Variants in RAB11FIP4 observed in about 807,000 individuals in gnomAD.
RAB11FIP4 encodes the protein RAB11 family interacting protein 4.
A neutral mutation model predicts 74.3 loss-of-function variants in RAB11FIP4; 23 were observed. The ratio of observed to expected loss-of-function variants is 0.31; its 90% CI spans 0.22 to 0.44. RAB11FIP4 has a LOEUF of 0.44. Among genes scored for constraint, RAB11FIP4 ranks in the 20% least tolerant of loss-of-function variants. The probability of loss-of-function intolerance (pLI) is 1.00; values close to 1 mark genes in which losing one functional copy is unlikely to be tolerated. For missense variants in RAB11FIP4, 630 were observed against 863.9 expected (o/e 0.73, Z 3.39); for synonymous variants, 360 against 359.9 (o/e 1.00, Z 0.00).
intron 3 of RAB11FIP4, among the ~76,000 whole-genome samples, chr17:31,515,859 C>T (rs762619593): frequency 5.9e-5 from 9 of 152,120 alleles, no homozygotes; most frequent in African/African-American, 2.2e-4. Context: ...TGAACCAGGC[C>T]GAAGCTCTTC....
At chr17:31,527,626 T>G in intron 10 of RAB11FIP4, 1 of 372,294 alleles carries the variant, frequency 2.7e-6, no homozygotes, top group Admixed American at 5.1e-5. Context: ...GAATGATAAT[T>G]TACTATTTTG....
chr17:31,459,366 T>C (rs764186599), intron 3 of RAB11FIP4, among the ~76,000 whole-genome samples: 15 of 152,186 alleles, frequency 9.9e-5, no homozygotes, highest in South Asian at 2.1e-4. Context: ...AAAATGGGGG[T>C]AAAATGCCCA....
At chr17:31,481,263 T>A (rs1414035489) in intron 3 of RAB11FIP4, among the ~76,000 whole-genome samples, 2 of 152,182 alleles carry the variant, frequency 1.3e-5, no homozygotes, top group Middle Eastern at 6.8e-3. Context: ...GCTTCCACCG[T>A]GACATTCGGA....
Position 31,517,652 on chromosome 17 carries a change from G to A in RAB11FIP4, c.338G>A (p.Gly113Asp). The change falls in exon 4 of 15, where the codon GGC (glycine) becomes GAC (aspartate). Residue 113 changes from glycine (G) to aspartate (D), a missense_variant and splice_region_variant. Transcript: ENST00000621161. ...TTGTCTCTGCTCTCTCTTTCCCAGG[G>A]CAGCGAGGTCACAGGCCCCACCTTT... ...APEIPDCVEQ[G>D]SEVTGPTFAD... is the part of the protein sequence containing the mutation. 1.9e-6 allele frequency: 3 copies of A among 1,599,758 alleles called. No individual in the cohort carries two copies. Among genetic ancestry groups the A allele is most frequent in the Non-Finnish European group, 2.6e-6 (3 of 1,174,038 alleles).
intron 1 of RAB11FIP4, among the ~76,000 whole-genome samples, chr17:31,428,805 G>A (rs151111801): frequency 7.9e-5 from 12 of 152,118 alleles, no homozygotes; most frequent in Non-Finnish European, 1.5e-4. Context: ...TGAGCCAGGC[G>A]TGGTGGCGTG....
chr17:31,530,734 C>G (rs773118177), intron 14 of RAB11FIP4, among the ~76,000 whole-genome samples: 1 of 152,196 alleles, frequency 6.6e-6, no homozygotes, highest in African/African-American at 2.4e-5. Context: ...AGAAAAATGC[C>G]AACATAGCCA....
intron 4 of RAB11FIP4, among the ~76,000 whole-genome samples, 186 bp downstream of exon 4, chr17:31,518,063 T>G (rs1352695409): frequency 1.3e-5 from 2 of 152,182 alleles, no homozygotes; most frequent in Non-Finnish European, 2.9e-5. Context: ...AGGGATAGTT[T>G]TGGAATTTTA....
chr17:31,488,023 C>G (rs1456061383), intron 3 of RAB11FIP4: 2 of 1,011,814 alleles, frequency 2.0e-6, no homozygotes, highest in Non-Finnish European at 2.4e-6. Flanking sequence ...CCAGGCGCCT[C>G]GTGATGTCAC....
intron 1 of RAB11FIP4, among the ~76,000 whole-genome samples, chr17:31,411,116 C>G (rs1282121667): frequency 6.6e-6 from 1 of 152,164 alleles, no homozygotes; most frequent in Non-Finnish European, 1.5e-5. Context: ...GTAATCCCAG[C>G]GCTTTGGGAG....
At chr17:31,403,817 G>A (rs1026012121) in intron 1 of RAB11FIP4, among the ~76,000 whole-genome samples, 1 of 152,134 alleles carries the variant, frequency 6.6e-6, no homozygotes, top group East Asian at 1.9e-4. Context: ...GGGAGAGAGT[G>A]ACCTGATCTG....
chr17:31,531,877 G>T lies in RAB11FIP4; in HGVS notation c.*145G>T. The T allele has an allele frequency of 1.5e-6, 1 of 659,838 alleles. No homozygotes were observed. The highest frequency in any genetic ancestry group is 2.6e-5 in the East Asian group (1 of 39,078). 40.9% of individuals were successfully genotyped at this position (659,838 alleles called of 1,614,324 possible). A position where few individuals can be genotyped will look rare whatever the true frequency, so the allele number is the denominator to read the frequency against. On this transcript the variant is annotated 3_prime_UTR_variant, in exon 15 of 15. Coordinates refer to ENST00000621161, the MANE Select transcript of RAB11FIP4 (RefSeq NM_032932.6). Reference sequence around the variant, plus strand: ...GCGTTACGTGTACCCGTGTATATGTGGGGAGGCTGTGCACACGAGCGAGGG... The same window carrying T: ...GCGTTACGTGTACCCGTGTATATGTTGGGAGGCTGTGCACACGAGCGAGGG...
At chr17:31,427,113 C>G (rs773425933) in intron 1 of RAB11FIP4, among the ~76,000 whole-genome samples, 2 of 152,142 alleles carry the variant, frequency 1.3e-5, no homozygotes, top group East Asian at 3.9e-4. Flanking sequence ...GTACACATGA[C>G]CACGCCTGGC....
intron 3 of RAB11FIP4, among the ~76,000 whole-genome samples, chr17:31,477,619 C>A (rs574809409): frequency 4.6e-5 from 7 of 152,356 alleles, no homozygotes; most frequent in African/African-American, 1.7e-4. Flanking sequence ...AGCACTAGGT[C>A]TGGCCTGCGG....
At position 31,444,925 on chromosome 17, in the gene RAB11FIP4, C is replaced by T. The variant is rs566708086; in HGVS notation, c.336+10803C>T. The stretch of plus-strand genomic sequence containing the variant: ...CCTCATTAATGAGTCTAGTGCAGTG[C>T]ATTTTTGAAACAGTAACTGTGGGAA... On this transcript the variant is annotated intron_variant, in intron 3 of 14. Transcript: ENST00000621161. 2.0e-5 allele frequency among the ~76,000 whole-genome samples: 3 copies of T among 152,262 alleles called. No individual in the cohort carries two copies. The East Asian group carries it at 5.8e-4, about 29-fold the overall frequency.
chr17:31,499,011 C>T (rs966881080), intron 3 of RAB11FIP4, among the ~76,000 whole-genome samples: 3 of 152,138 alleles, frequency 2.0e-5, no homozygotes, highest in Non-Finnish European at 2.9e-5. Context: ...AATAGCTGCC[C>T]GTTCCAAGAA....
intron 1 of RAB11FIP4, among the ~76,000 whole-genome samples, chr17:31,412,008 G>A (rs1472168302): frequency 6.6e-5 from 10 of 152,236 alleles, no homozygotes; most frequent in Non-Finnish European, 1.5e-5. Flanking sequence ...GCCGTGTGAG[G>A]TTCACTTGTT....
intron 1 of RAB11FIP4, among the ~76,000 whole-genome samples, chr17:31,398,396 G>A (rs2070951354): frequency 6.6e-6 from 1 of 152,130 alleles, no homozygotes; most frequent in Non-Finnish European, 1.5e-5. Context: ...CTGAGTTCCA[G>A]CGTCATTCCC....
intron 2 of RAB11FIP4, among the ~76,000 whole-genome samples, chr17:31,433,053 G>A (rs985237104): frequency 2.0e-5 from 3 of 152,162 alleles, no homozygotes; most frequent in Non-Finnish European, 4.4e-5. Flanking sequence ...GGCTAAGGTG[G>A]GAGGATCACC....
intron 1 of RAB11FIP4, among the ~76,000 whole-genome samples, chr17:31,416,108 C>T (rs796078347): frequency 1.3e-5 from 2 of 152,228 alleles, no homozygotes; most frequent in Admixed American, 6.5e-5. Flanking sequence ...TCTCGGCATG[C>T]GACCTGTGCA....
Sources: gnomAD v4.1 joint callset for allele counts (sites outside exome capture counted in the v4.1 genomes callset) on GRCh38, gnomAD v4.1.1 for gene constraint, MANE v1.5 for transcripts, NCBI Gene and HGNC (gene_info 2026-07-23, HGNC 2026-07-21) for gene names.